Variants in PCDH15 observed in about 807,000 individuals in gnomAD.
PCDH15 encodes protocadherin related 15.
PCDH15 carries 129 observed loss-of-function variants against 178.5 expected under a neutral mutation model. The ratio of observed to expected loss-of-function variants is 0.72; its 90% CI spans 0.63 to 0.84. The LOEUF is 0.84. Ranked by LOEUF, PCDH15 falls within the 40% of genes least tolerant of loss-of-function variation. The pLI, the probability that PCDH15 is intolerant of heterozygous loss-of-function variation, is 0.00. For missense variants in PCDH15, 2,230 were observed against 2,099.9 expected (o/e 1.06, Z -1.21); for synonymous variants, 800 against 732.0 (o/e 1.09, Z -1.50).
At chr10:54,264,048 G>T (rs931697107) in intron 8 of PCDH15, among the ~76,000 whole-genome samples, 2 of 152,072 alleles carry the variant, frequency 1.3e-5, no homozygotes, top group African/African-American at 2.4e-5. Context: ...TTTGCCAGGG[G>T]CTCTCAGGCC....
At chr10:55,011,716 A>G (rs1840051372) in intron 2 of PCDH15, among the ~76,000 whole-genome samples, 2 of 152,272 alleles carry the variant, frequency 1.3e-5, no homozygotes, top group Middle Eastern at 3.4e-3. Flanking sequence ...TTAATAGGTC[A>G]TGATGTCAAT....
rs150069992 is a variant in PCDH15, at chr10:53,822,322, T to C, written c.4368-2092A>G. On this transcript the variant is annotated intron_variant, in intron 32 of 37. Transcript: ENST00000644397. Reference sequence around the variant, plus strand: ...AGAGGTGGTGTTGGGGGACCAGACGTTGAAACGGAAAGTGGAAAAAATGTA... The same window carrying C: ...AGAGGTGGTGTTGGGGGACCAGACGCTGAAACGGAAAGTGGAAAAAATGTA... The C allele has an allele frequency of 4.7e-5, 75 of 1,602,456 alleles. No individual in the cohort carries two copies. In the African/African-American group the frequency reaches 6.5e-4, roughly 14 times the overall value.
chr10:54,375,711 C>T (rs908355669), intron 4 of PCDH15, among the ~76,000 whole-genome samples: 2 of 149,796 alleles, frequency 1.3e-5, no homozygotes, highest in African/African-American at 4.9e-5. Flanking sequence ...ACAAAGCTTT[C>T]GCCATTGTTA....
At chr10:54,173,745 A>G (rs1293559416) in intron 13 of PCDH15, among the ~76,000 whole-genome samples, 2 of 152,210 alleles carry the variant, frequency 1.3e-5, no homozygotes, top group African/African-American at 4.8e-5. Flanking sequence ...AAAAAAATTG[A>G]CAATAATTTT....
intron 2 of PCDH15, among the ~76,000 whole-genome samples, chr10:54,653,405 G>T (rs1480208618): frequency 6.6e-6 from 1 of 152,182 alleles, no homozygotes; most frequent in African/African-American, 2.4e-5. Context: ...GAGTTTTGGA[G>T]CCAGGATTCA....
intron 1 of PCDH15, among the ~76,000 whole-genome samples, chr10:54,721,694 C>T (rs961938478): frequency 1.3e-5 from 2 of 151,790 alleles, no homozygotes; most frequent in African/African-American, 2.4e-5. Context: ...CCTAAATAGA[C>T]CCATAATGAC....
chr10:53,940,494 A>C (rs1054013794), intron 24 of PCDH15, among the ~76,000 whole-genome samples: 2 of 152,134 alleles, frequency 1.3e-5, no homozygotes, highest in Non-Finnish European at 2.9e-5. Context: ...AGGGTCATGG[A>C]TGGTTCAGAC....
At chr10:55,032,403 G>C in intron 2 of PCDH15, among the ~76,000 whole-genome samples, 1 of 152,166 alleles carries the variant, frequency 6.6e-6, no homozygotes, top group East Asian at 1.9e-4. Context: ...ATGGTAAAAT[G>C]TGAGAAGAGC....
intron 2 of PCDH15, among the ~76,000 whole-genome samples, chr10:55,337,704 G>A (rs186555940): frequency 6.6e-6 from 1 of 152,104 alleles, no homozygotes; most frequent in Non-Finnish European, 1.5e-5. Context: ...AGAAAGCTCT[G>A]TTGTAGGACA....
At chr10:55,222,782 CTT>C (rs1781680738) in intron 1 of PCDH15, among the ~76,000 whole-genome samples, 1 of 127,354 alleles carries the variant, frequency 7.9e-6, no homozygotes, top group South Asian at 2.5e-4. Flanking sequence ...GTTCCTCTCT[CTT>C]TTATTTGTTT....
At chr10:54,268,704 T>C (rs965275814) in intron 8 of PCDH15, among the ~76,000 whole-genome samples, 1 of 151,882 alleles carries the variant, frequency 6.6e-6, no homozygotes, top group Non-Finnish European at 1.5e-5. Context: ...TCAATAATAA[T>C]GTTCTAGTGA....
intron 1 of PCDH15, among the ~76,000 whole-genome samples, chr10:54,763,441 T>C (rs1042196527): frequency 6.6e-6 from 1 of 152,064 alleles, no homozygotes; most frequent in Non-Finnish European, 1.5e-5. Flanking sequence ...TATTGCTAAC[T>C]GGAGAAAATA....
intron 25 of PCDH15, among the ~76,000 whole-genome samples, chr10:53,927,182 A>T (rs1352336212): frequency 2.6e-5 from 4 of 151,456 alleles, no homozygotes; most frequent in Non-Finnish European, 5.9e-5. Flanking sequence ...GAATGTTAAC[A>T]TTAGTCAAAG....
intron 3 of PCDH15, among the ~76,000 whole-genome samples, chr10:54,813,142 A>G (rs1952892680): frequency 6.6e-6 from 1 of 151,954 alleles, no homozygotes; most frequent in African/African-American, 2.4e-5. Context: ...CTTCCTTCTT[A>G]GTCTTTTGGT....
rs111228246 is a variant in PCDH15, at chr10:54,971,543, C to T, written c.-79-74043G>A. Among the ~76,000 whole-genome samples the T allele has an allele frequency of 8.2e-3, 1,242 of 152,222 alleles. 16 individuals carry two copies. The highest frequency in any genetic ancestry group is 0.028 in the African/African-American group (1,152 of 41,550). ...AGGTATTTTGTTGTAGCAGCATAAA[C>T]AAAGATGGCAGTACAATGTAAAATC... On this transcript the variant is annotated intron_variant, in intron 2 of 5. Coordinates refer to the PCDH15 transcript ENST00000458638.
intron 1 of PCDH15, among the ~76,000 whole-genome samples, chr10:54,776,031 T>C (rs1003782561): frequency 6.6e-6 from 1 of 152,182 alleles, no homozygotes; most frequent in Non-Finnish European, 1.5e-5. Context: ...GACCATGCAG[T>C]GTTTAACTTT....
chr10:54,033,190 G>T (rs560950375), intron 18 of PCDH15, among the ~76,000 whole-genome samples: 1 of 151,782 alleles, frequency 6.6e-6, no homozygotes, highest in Non-Finnish European at 1.5e-5. Flanking sequence ...ACCTATTTTT[G>T]TATAATTAAA....
intron 8 of PCDH15, among the ~76,000 whole-genome samples, chr10:54,269,968 T>A (rs2057943251): frequency 6.6e-6 from 1 of 152,070 alleles, no homozygotes; most frequent in Admixed American, 6.6e-5. Context: ...ACCCATAATT[T>A]AAAAATATGT....
At chr10:54,793,605 T>G (rs935425313) in intron 1 of PCDH15, among the ~76,000 whole-genome samples, 3 of 150,910 alleles carry the variant, frequency 2.0e-5, no homozygotes, top group Non-Finnish European at 4.4e-5. Context: ...AGAATCACAA[T>G]CTATTTTTGC....
Sources: gnomAD v4.1 joint callset for allele counts (sites outside exome capture counted in the v4.1 genomes callset) on GRCh38, gnomAD v4.1.1 for gene constraint, MANE v1.5 for transcripts, NCBI Gene and HGNC (gene_info 2026-07-23, HGNC 2026-07-21) for gene names.